Variants in PAK5 observed in about 807,000 individuals in gnomAD.
The protein encoded by PAK5 is serine/threonine-protein kinase PAK 5.
A neutral mutation model predicts 65.9 loss-of-function variants in PAK5; 16 were observed. That is an observed-to-expected ratio of 0.24 (90% CI 0.16 to 0.37). PAK5 has a LOEUF of 0.37. Ranked by LOEUF, PAK5 falls within the 10% of genes least tolerant of loss-of-function variation. The pLI, the probability that PAK5 is intolerant of heterozygous loss-of-function variation, is 1.00. For missense variants in PAK5, 785 were observed against 903.9 expected, an observed-to-expected ratio of 0.87 and a Z score of 1.69; for synonymous variants, 371 against 354.9, an observed-to-expected ratio of 1.05 and a Z score of -0.51.
chr20:9,806,788 G>A lies in PAK5; in HGVS notation c.-162+31974C>T, dbSNP rs180897893. Among the ~76,000 whole-genome samples the A allele has an allele frequency of 7.9e-5, 12 of 152,060 alleles. No individual in the cohort carries two copies. In the East Asian group the frequency reaches 1.4e-3, roughly 17 times the overall value. ...ATTCATATTATATTAATTTCCTATC[G>A]CTACTATAATAAATCACCACAAACT... On this transcript the variant is annotated intron_variant, in intron 1 of 9. Transcript: ENST00000353224.
intron 1 of PAK5, among the ~76,000 whole-genome samples, chr20:9,796,346 G>GA (rs1167196057): frequency 6.6e-5 from 10 of 152,004 alleles, no homozygotes; most frequent in African/African-American, 2.4e-5. Flanking sequence ...ACTAAAAGAT[G>GA]AAAAAAAGCC....
chr20:9,776,675 T>C (rs1421835282), intron 1 of PAK5, among the ~76,000 whole-genome samples: 1 of 152,124 alleles, frequency 6.6e-6, no homozygotes, highest in Non-Finnish European at 1.5e-5. Flanking sequence ...GAGAGGCCCA[T>C]GAAGTGAGGC....
intron 2 of PAK5, among the ~76,000 whole-genome samples, chr20:9,653,081 C>T (rs1201133880): frequency 6.6e-6 from 1 of 152,170 alleles, no homozygotes; most frequent in African/African-American, 2.4e-5. Context: ...TCAACTCATC[C>T]CTCTCAACTT....
chr20:9,578,005 C>T (rs539434557), intron 4 of PAK5, among the ~76,000 whole-genome samples: 1 of 152,260 alleles, frequency 6.6e-6, no homozygotes, highest in East Asian at 1.9e-4. Flanking sequence ...CCCCTCCCAC[C>T]CTCGTTCTTC....
chr20:9,738,493 TA>T (rs1425958037), intron 1 of PAK5, among the ~76,000 whole-genome samples: 1 of 152,038 alleles, frequency 6.6e-6, no homozygotes, highest in Non-Finnish European at 1.5e-5. Flanking sequence ...ATAAATAGAA[TA>T]AAATATTGAC....
At chr20:9,716,640 T>G (rs2048150190) in intron 1 of PAK5, among the ~76,000 whole-genome samples, 1 of 152,192 alleles carries the variant, frequency 6.6e-6, no homozygotes, top group African/African-American at 2.4e-5. Flanking sequence ...ATTAATCAAG[T>G]AAATATTAGA....
chr20:9,802,357 C>G (rs548442629), intron 1 of PAK5, among the ~76,000 whole-genome samples: 9 of 151,898 alleles, frequency 5.9e-5, no homozygotes, highest in African/African-American at 1.7e-4. Flanking sequence ...GAGACAGTGA[C>G]GGCAAGATGA....
chr20:9,606,814 A>G (rs2046463618), intron 3 of PAK5, among the ~76,000 whole-genome samples: 1 of 152,152 alleles, frequency 6.6e-6, no homozygotes, highest in South Asian at 2.1e-4. Flanking sequence ...TAAAGAATAC[A>G]TTAAATGTCA....
rs528964023 is a variant in PAK5 at position 9,631,407 on chromosome 20, A to G, written c.204+12718T>C. Among the ~76,000 whole-genome samples the G allele has an allele frequency of 3.3e-5, 5 of 152,320 alleles. 1 individual carries two copies. Among genetic ancestry groups the G allele is most frequent in the Admixed American group, 2.6e-4 (4 of 15,294 alleles). The stretch of plus-strand genomic sequence containing the variant: ...CTTCTGTGAGTACATTATTATATAT[A>G]TAGTCCAAGCAGACTAGCTCTTGCT... On this transcript the variant is annotated intron_variant, in intron 3 of 9. Transcript: ENST00000353224.
chr20:9,556,402 G>T (rs2045507538), intron 7 of PAK5, among the ~76,000 whole-genome samples: 1 of 152,208 alleles, frequency 6.6e-6, no homozygotes, highest in South Asian at 2.1e-4. Flanking sequence ...AAAAGCCAAA[G>T]TGCTTGGACA....
At position 9,643,678 on chromosome 20, in the gene PAK5, C is replaced by A. The variant is rs115300707; in HGVS notation, c.204+447G>T. 6.3e-3 allele frequency among the ~76,000 whole-genome samples: 955 copies of A among 151,862 alleles called. 9 individuals are homozygous for A. The highest frequency in any genetic ancestry group is 0.021 in the African/African-American group (890 of 41,424). ...AATATGCATATGTATATATATTTAT[C>A]AATACCATTATTAAAATCTATTGGT... On this transcript the variant is annotated intron_variant, in intron 3 of 9. Coordinates refer to ENST00000353224, the MANE Select transcript of PAK5 (RefSeq NM_177990.4).
intron 3 of PAK5, among the ~76,000 whole-genome samples, chr20:9,582,854 T>C (rs182798224): frequency 4.6e-4 from 70 of 152,332 alleles, no homozygotes; most frequent in Middle Eastern, 3.4e-3. Flanking sequence ...AACACTCTGT[T>C]ATTTGCCTTG....
chr20:9,831,763 T>C (rs910149736), intron 1 of PAK5, among the ~76,000 whole-genome samples: 2 of 151,492 alleles, frequency 1.3e-5, no homozygotes, highest in African/African-American at 4.8e-5. Context: ...CCACCTCGAG[T>C]TCCCAAAGTG....
chr20:9,802,652 T>A (rs2049182570), intron 1 of PAK5, among the ~76,000 whole-genome samples: 1 of 151,854 alleles, frequency 6.6e-6, no homozygotes, highest in South Asian at 2.1e-4. Context: ...AAGCACATAC[T>A]TTAAAATCAC....
At chr20:9,712,402 C>A (rs1047675949) in intron 1 of PAK5, among the ~76,000 whole-genome samples, 5 of 151,768 alleles carry the variant, frequency 3.3e-5, no homozygotes, top group African/African-American at 1.2e-4. Context: ...CATGAAAGAC[C>A]CAGGAAATGA....
intron 7 of PAK5, among the ~76,000 whole-genome samples, chr20:9,557,325 A>T (rs537690015): frequency 8.5e-5 from 13 of 152,282 alleles, no homozygotes; most frequent in Admixed American, 8.5e-4. Context: ...CCAACAAAAA[A>T]CAGATGTGGC....
At chr20:9,605,754 C>T (rs909034552) in intron 3 of PAK5, among the ~76,000 whole-genome samples, 3 of 152,084 alleles carry the variant, frequency 2.0e-5, no homozygotes, top group African/African-American at 7.2e-5. Flanking sequence ...CATGGTAAGA[C>T]CCCGTCTCTA....
intron 1 of PAK5, among the ~76,000 whole-genome samples, chr20:9,749,142 A>T (rs946549218): frequency 2.0e-5 from 3 of 152,116 alleles, no homozygotes; most frequent in African/African-American, 7.2e-5. Flanking sequence ...GCACAAAAAA[A>T]CTCAGTATCT....
intron 4 of PAK5, among the ~76,000 whole-genome samples, chr20:9,578,630 T>C (rs17485566): frequency 0.012 from 1,854 of 152,308 alleles, 20 homozygotes; most frequent in Non-Finnish European, 0.015. Flanking sequence ...TGTAACTCAA[T>C]TCAGCTATAG....
Sources: gnomAD v4.1 joint callset for allele counts (sites outside exome capture counted in the v4.1 genomes callset) on GRCh38, gnomAD v4.1.1 for gene constraint, MANE v1.5 for transcripts, NCBI Gene and HGNC (gene_info 2026-07-23, HGNC 2026-07-21) for gene names.